The following CD2 variants were observed in gnomAD, a reference collection of about 807,000 sequenced individuals.
CD2 encodes the protein T-cell surface antigen CD2.
CD2 carries 18 observed loss-of-function variants against 23.2 expected under a neutral mutation model. The ratio of observed to expected loss-of-function variants is 0.77; its 90% CI spans 0.54 to 1.15. The LOEUF is 1.15. Ranked by LOEUF, CD2 falls within the 50% of genes most tolerant of loss-of-function variation. The pLI is 0.00. For missense variants in CD2, 424 were observed against 423.1 expected, an observed-to-expected ratio of 1.00 and a Z score of -0.02; for synonymous variants, 162 against 151.9, an observed-to-expected ratio of 1.07 and a Z score of -0.49.
Position 116,769,117 on chromosome 1 carries a change from G to C in CD2, c.*334G>C, listed in dbSNP as rs993452068. On this transcript the variant is annotated 3_prime_UTR_variant, in exon 5 of 5. Coordinates refer to ENST00000369478, the MANE Select transcript of CD2 (RefSeq NM_001767.5). ...ATAAATCAAGTGATTGGTGTGCCTG[G>C]GTCTCACTACAAGCAGCCTATCTGC... 4.2e-6 allele frequency: 1 copy of C among 239,364 alleles called. No homozygotes were observed. Among genetic ancestry groups the C allele is most frequent in the Admixed American group, 5.1e-5 (1 of 19,718 alleles). The allele number at this position is 239,364 out of a possible 1,614,324, so 14.8% of individuals were successfully genotyped here.
At chr1:116,756,797 C>A (rs1651862342) in intron 2 of CD2, among the ~76,000 whole-genome samples, 1 of 152,036 alleles carries the variant, frequency 6.6e-6, no homozygotes, top group African/African-American at 2.4e-5. Flanking sequence ...TGTAGTTGGT[C>A]ACTATTACCA....
intron 2 of CD2, among the ~76,000 whole-genome samples, chr1:116,756,935 T>A (rs1234270617): frequency 2.0e-5 from 3 of 152,006 alleles, no homozygotes; most frequent in African/African-American, 7.2e-5. Context: ...TGGGGCACAA[T>A]GCCTGTTTTC....
At chr1:116,756,469 A>G (rs1276310779) in intron 2 of CD2, among the ~76,000 whole-genome samples, 5 of 152,118 alleles carry the variant, frequency 3.3e-5, no homozygotes, top group Non-Finnish European at 7.4e-5. Context: ...ATATAAGAAA[A>G]CAGAGACCTA....
chr1:116,766,016 C>T (rs546808611), intron 4 of CD2, among the ~76,000 whole-genome samples: 1 of 152,242 alleles, frequency 6.6e-6, no homozygotes, highest in Non-Finnish European at 1.5e-5. Context: ...TTGACTCAGG[C>T]CTAGGCCGAG....
chr1:116,766,981 A>G (rs1652235499), intron 4 of CD2, among the ~76,000 whole-genome samples: 1 of 152,126 alleles, frequency 6.6e-6, no homozygotes, highest in South Asian at 2.1e-4. Flanking sequence ...ATAATTCAGA[A>G]CTAGGGCCAG....
At chr1:116,755,123 G>A in intron 2 of CD2, 172 bp downstream of exon 2, 1 of 603,638 alleles carries the variant, frequency 1.7e-6, no homozygotes, top group Non-Finnish European at 3.0e-6. Context: ...TGCGGGAATG[G>A]GATCCACACA....
intron 2 of CD2, among the ~76,000 whole-genome samples, chr1:116,757,752 TAGAG>T (rs369185297): frequency 4.3e-4 from 60 of 140,692 alleles, no homozygotes; most frequent in East Asian, 6.0e-4. Context: ...TATATATATA[TAGAG>T]AGAGAGAGAG....
intron 2 of CD2, among the ~76,000 whole-genome samples, chr1:116,759,970 T>A (rs946687350): frequency 2.6e-5 from 4 of 152,262 alleles, no homozygotes; most frequent in Admixed American, 2.6e-4. Context: ...TTTCTCAAAC[T>A]CTGGAGGCAC....
At chr1:116,768,004 G>T (rs959672419) in intron 4 of CD2, among the ~76,000 whole-genome samples, 2 of 152,164 alleles carry the variant, frequency 1.3e-5, no homozygotes. Flanking sequence ...AAGGTGGATT[G>T]CATGACAGTA....
At chr1:116,755,092 C>T (rs957118563) in intron 2 of CD2, 141 bp downstream of exon 2, 5 of 637,958 alleles carry the variant, frequency 7.8e-6, no homozygotes, top group Non-Finnish European at 1.4e-5. Context: ...GTCTCCTGCC[C>T]CAGTGGAGAC....
intron 2 of CD2, among the ~76,000 whole-genome samples, chr1:116,760,083 G>A (rs1651991972): frequency 1.3e-5 from 2 of 152,160 alleles, no homozygotes; most frequent in Admixed American, 6.5e-5. Context: ...CTGTAAATGG[G>A]AAGAAAAACA....
chr1:116,762,726 G>A (rs769994981), intron 3 of CD2, among the ~76,000 whole-genome samples: 1 of 152,204 alleles, frequency 6.6e-6, no homozygotes, highest in Non-Finnish European at 1.5e-5. Context: ...AAGATAGTAT[G>A]CCTGGATTTA....
rs747778961 is a variant in CD2, at chr1:116,754,965, C to G, written c.382+14C>G. On this transcript the variant is annotated intron_variant, in intron 2 of 4. Coordinates refer to ENST00000369478, the MANE Select transcript of CD2 (RefSeq NM_001767.5). The stretch of plus-strand genomic sequence containing the variant: ...TGAAGATTCAAGGTAAGTGTTCATT[C>G]CCTTAATTGCTTTATTTCAGTGTGG... The G allele has an allele frequency of 6.5e-7, 1 of 1,534,066 alleles. No individual in the cohort carries two copies. Among genetic ancestry groups the G allele is most frequent in the South Asian group, 1.2e-5 (1 of 84,472 alleles).
intron 4 of CD2, 64 bp downstream of exon 4, chr1:116,764,670 G>T (rs766567234): frequency 8.4e-7 from 1 of 1,191,456 alleles, no homozygotes; most frequent in South Asian, 1.2e-5. Context: ...CAGCTCATGG[G>T]GATGACACCT....
chr1:116,762,099 G>A (rs963868972), intron 3 of CD2, among the ~76,000 whole-genome samples: 1 of 152,144 alleles, frequency 6.6e-6, no homozygotes, highest in Non-Finnish European at 1.5e-5. Context: ...CAAAGTGCTG[G>A]GATTATAGGC....
At chr1:116,757,425 C>T (rs1651888948) in intron 2 of CD2, among the ~76,000 whole-genome samples, 1 of 152,086 alleles carries the variant, frequency 6.6e-6, no homozygotes, top group Non-Finnish European at 1.5e-5. Context: ...ATCCCAGCAA[C>T]TCAGAATTAA....
At chr1:116,758,703 G>A (rs1213741502) in intron 2 of CD2, among the ~76,000 whole-genome samples, 1 of 152,162 alleles carries the variant, frequency 6.6e-6, no homozygotes, top group Non-Finnish European at 1.5e-5. Flanking sequence ...CCATGTTGGT[G>A]TTTTCACATT....
chr1:116,762,912 G>A (rs1274457715), intron 3 of CD2, among the ~76,000 whole-genome samples: 1 of 152,218 alleles, frequency 6.6e-6, no homozygotes, highest in Non-Finnish European at 1.5e-5. Flanking sequence ...TAAAATTGTG[G>A]CCACCCTACC....
At chr1:116,762,364 G>T (rs963185299) in intron 3 of CD2, among the ~76,000 whole-genome samples, 5 of 152,158 alleles carry the variant, frequency 3.3e-5, no homozygotes, top group East Asian at 1.9e-4. Flanking sequence ...GGGAGAGAGG[G>T]AGGACCTTGG....
Sources: gnomAD v4.1 joint callset for allele counts (sites outside exome capture counted in the v4.1 genomes callset) on GRCh38, gnomAD v4.1.1 for gene constraint, MANE v1.5 for transcripts, NCBI Gene and HGNC (gene_info 2026-07-23, HGNC 2026-07-21) for gene names.